SAMD8: variants seen among roughly 807,000 people sequenced by gnomAD.
SAMD8 encodes sterile alpha motif domain containing 8, also known as sphingomyelin synthase-related protein 1.
A neutral mutation model predicts 42.0 loss-of-function variants in SAMD8; 20 were observed. The ratio of observed to expected loss-of-function variants is 0.48; its 90% CI spans 0.34 to 0.69. The LOEUF (loss-of-function observed/expected upper bound fraction) is 0.69. Among genes scored for constraint, SAMD8 ranks in the 30% least tolerant of loss-of-function variants. The pLI is 0.01. For synonymous variants in SAMD8, 162 were observed against 173.0 expected, an observed-to-expected ratio of 0.94 and a Z score of 0.50; for missense variants, 328 against 511.6, an observed-to-expected ratio of 0.64 and a Z score of 3.46.
intron 1 of SAMD8, chr10:75,101,741 C>G (rs1394858350): frequency 1.8e-6 from 1 of 565,254 alleles, no homozygotes; most frequent in Admixed American, 2.5e-5. Flanking sequence ...CATCTCTGAC[C>G]CAGTCGGTTC....
chr10:75,100,189 AG>A (rs775043968), intron 1 of SAMD8, among the ~76,000 whole-genome samples: 3 of 152,122 alleles, frequency 2.0e-5, no homozygotes, highest in Non-Finnish European at 4.4e-5. Context: ...CACCCCCAGG[AG>A]GCTCCAGAGG....
chr10:75,128,684 T>G (rs1406441451), intron 1 of SAMD8, among the ~76,000 whole-genome samples: 1 of 152,142 alleles, frequency 6.6e-6, no homozygotes, highest in Non-Finnish European at 1.5e-5. Context: ...GGGATTATCA[T>G]GAAGATAGGT....
intron 1 of SAMD8, among the ~76,000 whole-genome samples, chr10:75,100,430 G>C (rs984253940): frequency 2.0e-5 from 3 of 152,104 alleles, no homozygotes; most frequent in Admixed American, 2.0e-4. Context: ...CCCCCCCAGG[G>C]ACTCGTCCTT....
intron 1 of SAMD8, among the ~76,000 whole-genome samples, chr10:75,116,096 T>G (rs969559771): frequency 1.3e-4 from 20 of 151,696 alleles, no homozygotes; most frequent in Non-Finnish European, 2.8e-4. Flanking sequence ...TGTCTAAGTA[T>G]TTTTTGGTAG....
intron 1 of SAMD8, among the ~76,000 whole-genome samples, chr10:75,142,380 T>C (rs1205799201): frequency 6.6e-6 from 1 of 152,238 alleles, no homozygotes; most frequent in Non-Finnish European, 1.5e-5. Flanking sequence ...TGTGCTATTG[T>C]TAACATATGT....
At chr10:75,123,528 G>A (rs1166593980) in intron 1 of SAMD8, among the ~76,000 whole-genome samples, 2 of 152,090 alleles carry the variant, frequency 1.3e-5, no homozygotes, top group African/African-American at 2.4e-5. Context: ...ATTATAACCT[G>A]ACAGGCTTAA....
At chr10:75,140,206 G>A (rs540766028) in intron 1 of SAMD8, among the ~76,000 whole-genome samples, 2 of 152,206 alleles carry the variant, frequency 1.3e-5, no homozygotes, top group African/African-American at 4.8e-5. Flanking sequence ...CCGGGTTCAA[G>A]CAATTCTCCT....
intron 3 of SAMD8, among the ~76,000 whole-genome samples, chr10:75,167,005 C>A (rs1341061417): frequency 6.6e-6 from 1 of 152,180 alleles, no homozygotes; most frequent in East Asian, 1.9e-4. Context: ...TCAGTGCTTT[C>A]TCTGAGGGTG....
chr10:75,120,219 G>A (rs1848973007), intron 1 of SAMD8, among the ~76,000 whole-genome samples: 1 of 152,216 alleles, frequency 6.6e-6, no homozygotes, highest in Non-Finnish European at 1.5e-5. Flanking sequence ...GTACAGAAGT[G>A]CTTTCAGGTA....
At chr10:75,133,097 G>A (rs183772191) in intron 1 of SAMD8, among the ~76,000 whole-genome samples, 1 of 152,018 alleles carries the variant, frequency 6.6e-6, no homozygotes, top group East Asian at 1.9e-4. Context: ...CACTGTGAAG[G>A]TTCCTCAAAA....
chr10:75,154,788 CTATA>C (rs1214100876), intron 2 of SAMD8, among the ~76,000 whole-genome samples: 1 of 151,930 alleles, frequency 6.6e-6, no homozygotes, highest in Non-Finnish European at 1.5e-5. Context: ...GAGTCAAATT[CTATA>C]TATATTTTGA....
At chr10:75,165,372 T>C (rs984224580) in intron 3 of SAMD8, among the ~76,000 whole-genome samples, 1 of 148,872 alleles carries the variant, frequency 6.7e-6, no homozygotes, top group Non-Finnish European at 1.5e-5. Context: ...AGGAGGCCCA[T>C]TAAAAAAGAG....
intron 1 of SAMD8, among the ~76,000 whole-genome samples, chr10:75,126,319 T>C (rs1402582994): frequency 6.6e-6 from 1 of 152,152 alleles, no homozygotes; most frequent in Admixed American, 6.6e-5. Context: ...CTTTTGAGGA[T>C]TGAGTGAACT....
intron 1 of SAMD8, among the ~76,000 whole-genome samples, chr10:75,148,181 G>A (rs1840188642): frequency 6.6e-6 from 1 of 152,028 alleles, no homozygotes; most frequent in African/African-American, 2.4e-5. Flanking sequence ...ACACTTCCCT[G>A]ACATTCATCT....
At chr10:75,108,143 G>C, upstream of SAMD8, 1 of 1,613,232 alleles carries the variant, frequency 6.2e-7, no homozygotes, top group South Asian at 1.1e-5. Context: ...AGAGGCCCTT[G>C]TGGGCGGCGT....
At chr10:75,105,783 G>C in intron 1 of SAMD8, 3 of 1,551,268 alleles carry the variant, frequency 1.9e-6, no homozygotes, top group Middle Eastern at 2.0e-4. Context: ...CCTGGCGCAG[G>C]GACAGCCGCT....
intron 1 of SAMD8, among the ~76,000 whole-genome samples, chr10:75,121,181 A>C (rs189988197): frequency 6.6e-6 from 1 of 152,314 alleles, no homozygotes; most frequent in Admixed American, 6.5e-5. Context: ...TGAAGTAGGA[A>C]TTCTCCTCAT....
intron 4 of SAMD8, among the ~76,000 whole-genome samples, chr10:75,174,928 AAGGT>A (rs1370452856): frequency 6.6e-6 from 1 of 152,176 alleles, no homozygotes; most frequent in East Asian, 1.9e-4. Flanking sequence ...AAAGAGTCTG[AAGGT>A]AGGTACACAA....
At chr10:75,139,889 C>G (rs2134459237) in intron 1 of SAMD8, among the ~76,000 whole-genome samples, 1 of 152,240 alleles carries the variant, frequency 6.6e-6, no homozygotes, top group African/African-American at 2.4e-5. Context: ...TTACCTAACC[C>G]AGGTCAGAAA....
Sources: gnomAD v4.1 joint callset for allele counts (sites outside exome capture counted in the v4.1 genomes callset) on GRCh38, gnomAD v4.1.1 for gene constraint, MANE v1.5 for transcripts, NCBI Gene and HGNC (gene_info 2026-07-23, HGNC 2026-07-21) for gene names.